The following PPP2R2B variants were observed in gnomAD, a reference collection of about 807,000 sequenced individuals.
PPP2R2B encodes the protein serine/threonine-protein phosphatase 2A 55 kDa regulatory subunit B beta isoform.
PPP2R2B carries 5 observed loss-of-function variants against 46.0 expected under a neutral mutation model. The observed-to-expected ratio is 0.11, with a 90% CI of 0.06 to 0.23. The LOEUF is 0.23. PPP2R2B is among the 10% of genes least tolerant of loss of function. The probability of loss-of-function intolerance (pLI) is 1.00; values close to 1 mark genes in which losing one functional copy is unlikely to be tolerated. For synonymous variants in PPP2R2B, 215 were observed against 206.7 expected, an observed-to-expected ratio of 1.04 and a Z score of -0.34; for missense variants, 367 against 575.0, an observed-to-expected ratio of 0.64 and a Z score of 3.70.
At position 146,589,845 on chromosome 5, in the gene PPP2R2B, G is replaced by A. The variant is rs1011633070; in HGVS notation, c.*102C>T. The A allele has an allele frequency of 8.6e-7, 1 of 1,165,608 alleles. No homozygotes were observed. Among genetic ancestry groups the A allele is most frequent in the Non-Finnish European group, 1.2e-6 (1 of 814,106 alleles). The allele number at this position is 1,165,608 out of a possible 1,614,324, so 72.2% of individuals were successfully genotyped here. ...TCTATTCCAATCATTTCCTGTATAG[G>A]GAAATTAAAGTCAATGCATCAAATG... is the stretch of plus-strand genomic sequence containing the variant. On this transcript the variant is annotated 3_prime_UTR_variant, in exon 10 of 10. Transcript: ENST00000394411.
intron 1 of PPP2R2B, among the ~76,000 whole-genome samples, chr5:147,055,332 T>C (rs994520181): frequency 2.0e-5 from 3 of 152,248 alleles, no homozygotes; most frequent in Non-Finnish European, 2.9e-5. Context: ...CACCTACTGA[T>C]TTTTGTTTTC....
chr5:146,933,844 A>AC (rs1232225259), intron 1 of PPP2R2B, among the ~76,000 whole-genome samples: 30 of 76,228 alleles, frequency 3.9e-4, no homozygotes, highest in African/African-American at 1.6e-3. Flanking sequence ...CCCCCACCCC[A>AC]CAACAGTCCC....
intron 2 of PPP2R2B, among the ~76,000 whole-genome samples, chr5:146,759,615 T>C (rs1012959354): frequency 6.6e-6 from 1 of 152,168 alleles, no homozygotes; most frequent in Admixed American, 6.6e-5. Context: ...ACCTTCCAAG[T>C]TGAATTAGGT....
intron 1 of PPP2R2B, among the ~76,000 whole-genome samples, chr5:147,018,572 T>C (rs185459970): frequency 1.3e-5 from 2 of 152,210 alleles, no homozygotes; most frequent in Non-Finnish European, 2.9e-5. Context: ...GGAAATGTTA[T>C]GTATCTAGAT....
chr5:146,884,094 T>G (rs1039865346), intron 1 of PPP2R2B, among the ~76,000 whole-genome samples: 2 of 140,838 alleles, frequency 1.4e-5, no homozygotes, highest in African/African-American at 3.1e-5. Context: ...TCAGGGTTTT[T>G]TTTTTTTTTT....
chr5:146,865,293 GAC>G (rs36219835), intron 2 of PPP2R2B, among the ~76,000 whole-genome samples: 8,797 of 145,692 alleles, frequency 0.06, 337 homozygotes, highest in African/African-American at 0.12. Flanking sequence ...CTTTGTCTCT[GAC>G]ACACACACAC....
At chr5:146,793,896 T>G (rs925905850) in intron 2 of PPP2R2B, among the ~76,000 whole-genome samples, 1 of 152,220 alleles carries the variant, frequency 6.6e-6, no homozygotes, top group Non-Finnish European at 1.5e-5. Flanking sequence ...GAGACCAGTT[T>G]GCTCAGTGGT....
At chr5:146,711,876 A>T (rs1561851087) in intron 2 of PPP2R2B, among the ~76,000 whole-genome samples, 1 of 150,848 alleles carries the variant, frequency 6.6e-6, no homozygotes, top group Non-Finnish European at 1.5e-5. Context: ...AAGTCAAAGA[A>T]TTTTTTTTTT....
chr5:146,961,929 T>C (rs1752190685), intron 1 of PPP2R2B, among the ~76,000 whole-genome samples: 1 of 151,876 alleles, frequency 6.6e-6, no homozygotes, highest in Admixed American at 6.6e-5. Context: ...TGCTTGTGTG[T>C]GTCCCTAGAG....
At chr5:146,598,599 T>G (rs548065986) in intron 8 of PPP2R2B, among the ~76,000 whole-genome samples, 6 of 152,332 alleles carry the variant, frequency 3.9e-5, no homozygotes, top group African/African-American at 1.4e-4. Flanking sequence ...TTTTCTCATC[T>G]AAATAACTTG....
chr5:146,760,229 C>G (rs1456507888), intron 2 of PPP2R2B, among the ~76,000 whole-genome samples: 3 of 152,204 alleles, frequency 2.0e-5, no homozygotes, highest in African/African-American at 4.8e-5. Flanking sequence ...TATGTACCCT[C>G]TTAATATTCC....
chr5:146,973,452 T>A (rs1752756312), intron 1 of PPP2R2B, among the ~76,000 whole-genome samples: 1 of 152,208 alleles, frequency 6.6e-6, no homozygotes, highest in Non-Finnish European at 1.5e-5. Context: ...TAACCTTACT[T>A]CAGCAGCAGC....
intron 2 of PPP2R2B, among the ~76,000 whole-genome samples, chr5:146,736,113 A>T (rs1360015858): frequency 6.6e-6 from 1 of 152,168 alleles, no homozygotes; most frequent in South Asian, 2.1e-4. Flanking sequence ...ATGAGATCTG[A>T]TGGTTTCATA....
chr5:147,068,024 C>T (rs1410878322), intron 2 of PPP2R2B, among the ~76,000 whole-genome samples: 1 of 152,078 alleles, frequency 6.6e-6, no homozygotes, highest in African/African-American at 2.4e-5. Flanking sequence ...TTTTAGTAAA[C>T]ACATGGATCT....
intron 2 of PPP2R2B, among the ~76,000 whole-genome samples, chr5:146,873,947 G>A (rs1411418449): frequency 3.3e-5 from 5 of 152,048 alleles, no homozygotes; most frequent in Admixed American, 2.6e-4. Context: ...TCCATTCCTT[G>A]AATCAGTTAG....
intron 1 of PPP2R2B, among the ~76,000 whole-genome samples, chr5:146,894,486 C>T (rs1762584187): frequency 6.6e-6 from 1 of 152,198 alleles, no homozygotes. Context: ...CTCACCTAGG[C>T]TGGAGTGCAG....
At chr5:146,812,559 GTATA>G (rs756797458) in intron 2 of PPP2R2B, among the ~76,000 whole-genome samples, 140 of 1,838 alleles carry the variant, frequency 0.076, 24 homozygotes, top group Admixed American at 0.11. Flanking sequence ...CCTCAGAAGA[GTATA>G]TATATATATA....
At position 147,054,714 on chromosome 5, in the gene PPP2R2B, T is replaced by G. The variant is rs1051819897; in HGVS notation, c.79+951A>C. On this transcript the variant is annotated intron_variant, in intron 1 of 8. Transcript: ENST00000336640. ...AGAACAGGCTGGTCGCCAGCTCAGT[T>G]CCAAGAGAGTGTGGCTAGACATGAG... 5.7e-5 allele frequency: 26 copies of G among 455,976 alleles called. No individual in the cohort carries two copies. The Admixed American group carries it at 5.9e-4, about 10-fold the overall frequency. 28.2% of individuals were successfully genotyped at this position (455,976 alleles called of 1,614,324 possible).
At chr5:146,982,135 G>A (rs1753206619) in intron 1 of PPP2R2B, among the ~76,000 whole-genome samples, 1 of 151,628 alleles carries the variant, frequency 6.6e-6, no homozygotes. Flanking sequence ...CTCTTCTTTT[G>A]CTGGGTTCTT....
Sources: gnomAD v4.1 joint callset for allele counts (sites outside exome capture counted in the v4.1 genomes callset) on GRCh38, gnomAD v4.1.1 for gene constraint, MANE v1.5 for transcripts, NCBI Gene and HGNC (gene_info 2026-07-23, HGNC 2026-07-21) for gene names.